Variants in NEGR1 observed in about 807,000 individuals in gnomAD.
NEGR1 encodes the protein neuronal growth regulator 1.
Under a neutral mutation model 40.9 loss-of-function variants are expected in NEGR1, and 10 were observed. The observed-to-expected ratio is 0.24, with a 90% CI of 0.15 to 0.42. The LOEUF (loss-of-function observed/expected upper bound fraction) is 0.42. Among genes scored for constraint, NEGR1 ranks in the 10% least tolerant of loss-of-function variants. The pLI, the probability that NEGR1 is intolerant of heterozygous loss-of-function variation, is 1.00. For synonymous variants in NEGR1, 185 were observed against 166.8 expected (o/e 1.11, Z -0.84); for missense variants, 352 against 438.9 (o/e 0.80, Z 1.77).
At chr1:72,135,422 C>CAAAAAAAAAAAAAAAAAAAAAAAAA (rs71074820) in intron 1 of NEGR1, among the ~76,000 whole-genome samples, 1 of 102,264 alleles carries the variant, frequency 9.8e-6, no homozygotes, top group Non-Finnish European at 1.9e-5. Context: ...AAAACAAAAC[C>CAAAAAAAAAAAAAAAAAAAAAAAAA]AAAAAAAAAA....
chr1:72,106,581 A>T (rs1649142373), intron 1 of NEGR1, among the ~76,000 whole-genome samples: 1 of 152,046 alleles, frequency 6.6e-6, no homozygotes. Context: ...AATTTCTAGG[A>T]TGATTGGATT....
chr1:71,421,755 G>A (rs968763454), intron 6 of NEGR1, among the ~76,000 whole-genome samples: 2 of 151,982 alleles, frequency 1.3e-5, no homozygotes, highest in African/African-American at 4.8e-5. Flanking sequence ...ACATTCTGAT[G>A]TATTCTTAGA....
At chr1:71,559,036 TATATATATAC>T (rs202130134) in intron 6 of NEGR1, among the ~76,000 whole-genome samples, 5,171 of 124,934 alleles carry the variant, frequency 0.041, 260 homozygotes, top group African/African-American at 0.11. Flanking sequence ...TATATATATA[TATATATATAC>T]ACATATATAT....
chr1:71,663,724 C>T (rs985385955), intron 4 of NEGR1, among the ~76,000 whole-genome samples: 4 of 152,100 alleles, frequency 2.6e-5, no homozygotes, highest in Admixed American at 1.3e-4. Flanking sequence ...TAAATATCTC[C>T]GTGTGCCTTC....
At chr1:72,065,250 T>G (rs1482057795) in intron 1 of NEGR1, among the ~76,000 whole-genome samples, 7 of 152,112 alleles carry the variant, frequency 4.6e-5, no homozygotes, top group African/African-American at 1.4e-4. Context: ...ACAAGATGTT[T>G]AACTTCAAGT....
intron 2 of NEGR1, among the ~76,000 whole-genome samples, chr1:71,800,376 CT>C (rs1314667450): frequency 6.6e-6 from 1 of 152,102 alleles, no homozygotes; most frequent in Non-Finnish European, 1.5e-5. Flanking sequence ...TCAATTTTGG[CT>C]TTTGTTGCCA....
chr1:71,417,593 C>T (rs890768128), intron 6 of NEGR1, among the ~76,000 whole-genome samples: 4 of 152,072 alleles, frequency 2.6e-5, no homozygotes, highest in Non-Finnish European at 5.9e-5. Context: ...TCTGTGAGTT[C>T]TATTTGAATG....
chr1:71,975,155 C>A (rs559467397), intron 1 of NEGR1, among the ~76,000 whole-genome samples: 98 of 152,246 alleles, frequency 6.4e-4, no homozygotes, highest in African/African-American at 2.3e-3. Context: ...TAAAGGATTT[C>A]AAATGCATTC....
At chr1:72,070,338 T>A (rs1490713916) in intron 1 of NEGR1, among the ~76,000 whole-genome samples, 1 of 147,550 alleles carries the variant, frequency 6.8e-6, no homozygotes, top group Non-Finnish European at 1.5e-5. Context: ...TCCTAATGGC[T>A]TTCTTGTACT....
At chr1:71,876,524 AAG>A (rs1443919099) in intron 2 of NEGR1, among the ~76,000 whole-genome samples, 2 of 150,542 alleles carry the variant, frequency 1.3e-5, no homozygotes, top group Non-Finnish European at 3.0e-5. Context: ...AGGAAGAAAG[AAG>A]AGAGAGAGAG....
intron 2 of NEGR1, among the ~76,000 whole-genome samples, chr1:71,862,487 T>A (rs576276119): frequency 2.0e-4 from 31 of 152,212 alleles, no homozygotes; most frequent in African/African-American, 7.5e-4. Context: ...AACATCACAA[T>A]TGCTTCCTGA....
intron 2 of NEGR1, among the ~76,000 whole-genome samples, chr1:71,837,737 C>T (rs1389500177): frequency 6.6e-6 from 1 of 152,062 alleles, no homozygotes; most frequent in African/African-American, 2.4e-5. Flanking sequence ...GCCATTAGCA[C>T]AACCTTAATT....
chr1:71,710,873 C>G (rs919730270), intron 3 of NEGR1, among the ~76,000 whole-genome samples: 1 of 151,924 alleles, frequency 6.6e-6, no homozygotes, highest in Non-Finnish European at 1.5e-5. Flanking sequence ...TTTTAAATAG[C>G]TTAAAGAATG....
intron 2 of NEGR1, among the ~76,000 whole-genome samples, chr1:71,859,935 G>A (rs1659894581): frequency 1.3e-5 from 2 of 152,044 alleles, no homozygotes; most frequent in South Asian, 4.1e-4. Flanking sequence ...CAGAGAGAGT[G>A]AGAACTTCTC....
intron 6 of NEGR1, among the ~76,000 whole-genome samples, chr1:71,470,369 GT>G (rs1646774373): frequency 6.6e-6 from 1 of 152,034 alleles, no homozygotes; most frequent in Admixed American, 6.6e-5. Flanking sequence ...CGATGTTGAT[GT>G]TTTATGTGAA....
At chr1:72,123,859 G>T (rs1649902427) in intron 1 of NEGR1, among the ~76,000 whole-genome samples, 1 of 151,890 alleles carries the variant, frequency 6.6e-6, no homozygotes, top group Non-Finnish European at 1.5e-5. Flanking sequence ...TGATTTATTT[G>T]GTATGAACTG....
chr1:71,907,647 C>T (rs181384007), intron 2 of NEGR1, among the ~76,000 whole-genome samples: 68 of 152,120 alleles, frequency 4.5e-4, no homozygotes, highest in African/African-American at 1.6e-3. Flanking sequence ...ATCCTATTAC[C>T]GAGTTTATAT....
chr1:71,798,267 G>A lies in NEGR1; in HGVS notation c.410-21970C>T, dbSNP rs545985596. The A allele has an allele frequency of 2.0e-5, 3 of 151,776 alleles. No individual in the cohort carries two copies. In the South Asian group the frequency reaches 6.2e-4, roughly 32 times the overall value. The allele number at this position is 151,776 out of a possible 1,614,324, so 9.4% of individuals were successfully genotyped here. On this transcript the variant is annotated intron_variant, in intron 2 of 6. Transcript: ENST00000357731. ...CCTACATTTAGCCTAAAGACAAACA[G>A]CAACTGAAAAAAATACAGAAAAAGT...
intron 4 of NEGR1, among the ~76,000 whole-genome samples, chr1:71,666,026 C>T (rs1055680781): frequency 6.6e-6 from 1 of 152,158 alleles, no homozygotes; most frequent in Non-Finnish European, 1.5e-5. Flanking sequence ...GAGACAGCCT[C>T]TACCTTCAAG....
Sources: allele counts gnomAD v4.1 joint callset (sites outside exome capture counted in the v4.1 genomes callset), GRCh38; gene constraint gnomAD v4.1.1; transcripts MANE v1.5; gene names NCBI Gene and HGNC (gene_info 2026-07-23, HGNC 2026-07-21).